The following CADM2 variants were observed in gnomAD, a reference collection of about 807,000 sequenced individuals.
CADM2 encodes the protein immunoglobulin superfamily member 4D.
Under a neutral mutation model 49.8 loss-of-function variants are expected in CADM2, and 12 were observed. The observed-to-expected ratio is 0.24, with a 90% CI of 0.15 to 0.39. The LOEUF is 0.39. CADM2 is among the 10% of genes least tolerant of loss of function. CADM2 has a pLI of 1.00. For missense variants in CADM2, 378 were observed against 492.3 expected (o/e 0.77, Z 2.20); for synonymous variants, 214 against 175.4 (o/e 1.22, Z -1.74).
At chr3:85,286,259 T>TA (rs1164880954) in intron 1 of CADM2, among the ~76,000 whole-genome samples, 4 of 152,136 alleles carry the variant, frequency 2.6e-5, no homozygotes, top group Admixed American at 2.0e-4. Flanking sequence ...TCTCAGGGAC[T>TA]ATCCAAACTT....
chr3:85,078,514 T>C (rs2037035929), intron 1 of CADM2, among the ~76,000 whole-genome samples: 1 of 151,904 alleles, frequency 6.6e-6, no homozygotes, highest in Non-Finnish European at 1.5e-5. Flanking sequence ...TTTTGTAGCA[T>C]TACATCATCA....
At chr3:85,093,286 C>T (rs1213880112) in intron 1 of CADM2, among the ~76,000 whole-genome samples, 8 of 151,948 alleles carry the variant, frequency 5.3e-5, no homozygotes, top group African/African-American at 9.7e-5. Context: ...TTTGGGAGGC[C>T]GAGGTGGGCA....
chr3:85,906,795 T>C (rs576464887), intron 5 of CADM2, among the ~76,000 whole-genome samples: 10 of 152,166 alleles, frequency 6.6e-5, no homozygotes, highest in Non-Finnish European at 1.5e-4. Flanking sequence ...TTAAAACAAA[T>C]ACAAAATGAA....
intron 2 of CADM2, among the ~76,000 whole-genome samples, chr3:85,745,105 G>A (rs1247104133): frequency 6.6e-6 from 1 of 152,096 alleles, no homozygotes; most frequent in African/African-American, 2.4e-5. Flanking sequence ...TGCAGAGAAA[G>A]GAAAGAGTCA....
At chr3:85,001,528 G>T (rs896517194) in intron 1 of CADM2, among the ~76,000 whole-genome samples, 1 of 151,910 alleles carries the variant, frequency 6.6e-6, no homozygotes, top group African/African-American at 2.4e-5. Flanking sequence ...TACAAAATAG[G>T]TTCAAAGATC....
intron 7 of CADM2, among the ~76,000 whole-genome samples, chr3:85,949,869 T>TA (rs1296255216): frequency 1.3e-5 from 2 of 150,980 alleles, no homozygotes; most frequent in African/African-American, 4.8e-5. Context: ...TACTCTTGTA[T>TA]AAAAAATAGG....
chr3:85,815,079 A>T lies in CADM2; in HGVS notation c.238+12883A>T, dbSNP rs960956983. 6.3e-4 allele frequency among the ~76,000 whole-genome samples: 96 copies of T among 152,240 alleles called. 1 individual carries two copies. Among genetic ancestry groups the T allele is most frequent in the Non-Finnish European group, 3.7e-4 (25 of 67,996 alleles). On this transcript the variant is annotated intron_variant, in intron 3 of 9. Transcript: ENST00000383699. ...CGAATCCCTGAATAGACCAATAACA[A>T]TTTGTGAAATTGAGGCAGTAATGGA...
intron 1 of CADM2, among the ~76,000 whole-genome samples, chr3:85,444,841 G>C: frequency 6.6e-6 from 1 of 152,036 alleles, no homozygotes; most frequent in Admixed American, 6.6e-5. Context: ...TTAATATAAG[G>C]CATTGAGGAA....
At chr3:85,919,174 A>G (rs1195223846) in intron 6 of CADM2, among the ~76,000 whole-genome samples, 1 of 152,112 alleles carries the variant, frequency 6.6e-6, no homozygotes, top group Non-Finnish European at 1.5e-5. Context: ...TATTTTCTAT[A>G]TAATTCATCT....
chr3:85,797,771 A>G (rs975818555), intron 2 of CADM2, among the ~76,000 whole-genome samples: 1 of 152,208 alleles, frequency 6.6e-6, no homozygotes, highest in Non-Finnish European at 1.5e-5. Flanking sequence ...TTGGGTATAT[A>G]CCCAGTAGTG....
At chr3:86,041,187 A>C (rs1735864873) in intron 8 of CADM2, among the ~76,000 whole-genome samples, 1 of 152,204 alleles carries the variant, frequency 6.6e-6, no homozygotes, top group South Asian at 2.1e-4. Flanking sequence ...CGAGCAAAAT[A>C]ACGAGCTAAC....
At chr3:85,031,512 T>TATC (rs1281260158) in intron 1 of CADM2, among the ~76,000 whole-genome samples, 1 of 152,110 alleles carries the variant, frequency 6.6e-6, no homozygotes, top group Non-Finnish European at 1.5e-5. Context: ...TTATTATTAT[T>TATC]ATCATTATTA....
intron 1 of CADM2, among the ~76,000 whole-genome samples, chr3:85,423,218 C>A (rs1214204088): frequency 6.6e-6 from 1 of 152,082 alleles, no homozygotes. Context: ...CTACTCTTCT[C>A]CTGTGCCACT....
At chr3:85,087,065 T>C (rs1436614124) in intron 1 of CADM2, among the ~76,000 whole-genome samples, 1 of 152,034 alleles carries the variant, frequency 6.6e-6, no homozygotes, top group Non-Finnish European at 1.5e-5. Flanking sequence ...AAGATAAAAT[T>C]GGAATTCTAG....
At chr3:85,899,947 CTCT>C (rs1715878424) in intron 5 of CADM2, among the ~76,000 whole-genome samples, 1 of 152,164 alleles carries the variant, frequency 6.6e-6, no homozygotes, top group Non-Finnish European at 1.5e-5. Context: ...TTGTCCATCT[CTCT>C]TCTTCTCGGT....
intron 1 of CADM2, among the ~76,000 whole-genome samples, chr3:85,014,506 A>G (rs1333259991): frequency 1.3e-5 from 2 of 152,166 alleles, no homozygotes; most frequent in African/African-American, 4.8e-5. Context: ...ATTTGGTACT[A>G]TTCTTGGTTT....
intron 8 of CADM2, among the ~76,000 whole-genome samples, chr3:85,963,695 A>T (rs568933317): frequency 1.1e-4 from 16 of 152,036 alleles, no homozygotes; most frequent in African/African-American, 3.6e-4. Flanking sequence ...AAAGTAGCTC[A>T]TCAGGAAAAT....
At chr3:85,822,606 A>G (rs2073655125) in intron 3 of CADM2, among the ~76,000 whole-genome samples, 1 of 152,138 alleles carries the variant, frequency 6.6e-6, no homozygotes, top group Non-Finnish European at 1.5e-5. Context: ...AAAATAAAAT[A>G]AAATAAAATT....
At chr3:85,923,193 G>C (rs942140337) in intron 6 of CADM2, among the ~76,000 whole-genome samples, 1 of 152,156 alleles carries the variant, frequency 6.6e-6, no homozygotes, top group Non-Finnish European at 1.5e-5. Flanking sequence ...TATGGACTGT[G>C]TAAAGTAAAT....
Sources: allele counts gnomAD v4.1 joint callset (sites outside exome capture counted in the v4.1 genomes callset), GRCh38; gene constraint gnomAD v4.1.1; transcripts MANE v1.5; gene names NCBI Gene and HGNC (gene_info 2026-07-23, HGNC 2026-07-21).